Variants in NIN observed in about 807,000 individuals in gnomAD.
NIN encodes glycogen synthase kinase 3 beta-interacting protein.
NIN carries 137 observed loss-of-function variants against 257.6 expected under a neutral mutation model. That is an observed-to-expected ratio of 0.53 (90% CI 0.46 to 0.61). The LOEUF (loss-of-function observed/expected upper bound fraction) is 0.61, where lower values mean the gene tolerates loss of function less well. NIN is among the 20% of genes least tolerant of loss of function. NIN has a pLI of 0.00. For synonymous variants in NIN, 918 were observed against 919.8 expected, an observed-to-expected ratio of 1.00 and a Z score of 0.04; for missense variants, 2,439 against 2,501.2, an observed-to-expected ratio of 0.98 and a Z score of 0.53.
Position 50,758,446 on chromosome 14 carries a change from T to C in NIN, c.2584A>G (p.Lys862Glu). 4 of 1,614,190 alleles carry C rather than the reference T, an allele frequency of 2.5e-6. No individual in the cohort carries two copies. The highest frequency in any genetic ancestry group is 3.4e-6 in the Non-Finnish European group (4 of 1,180,022). The change falls in exon 18 of 31, where the codon AAG becomes GAG. Residue 862 changes from lysine (K) to glutamate (E), a missense_variant. Transcript: ENST00000530997. ...GCACACTCCTGGGTGAGCTCGTCCT[T>C]CTCAAATTCCCACTGGGATTTCTCC... Reference protein sequence around the residue: ...REEKSQWEFEKDELTQECAEA... With the variant: ...REEKSQWEFEEDELTQECAEA...
chr14:50,727,554 A>C, intron 29 of NIN: 2 of 1,286,330 alleles, frequency 1.6e-6, no homozygotes, highest in South Asian at 3.1e-5. Flanking sequence ...TAACAGTAAA[A>C]ATAATAAAAT....
chr14:50,763,075 T>G (rs559238994), intron 15 of NIN, among the ~76,000 whole-genome samples: 1 of 152,170 alleles, frequency 6.6e-6, no homozygotes, highest in African/African-American at 2.4e-5. Context: ...CCTTCCCCAA[T>G]CTGTTAATTA....
At chr14:50,739,961 T>C (rs548130351) in intron 25 of NIN, among the ~76,000 whole-genome samples, 1 of 152,370 alleles carries the variant, frequency 6.6e-6, no homozygotes, top group East Asian at 1.9e-4. Flanking sequence ...TATGCAATCA[T>C]ATCCTTTTTT....
intron 3 of NIN, among the ~76,000 whole-genome samples, chr14:50,811,170 G>A (rs1376132756): frequency 5.4e-5 from 8 of 149,080 alleles, no homozygotes; most frequent in South Asian, 4.3e-4. Flanking sequence ...GTGCAGTGGC[G>A]CAATCTTGGC....
At chr14:50,745,504 T>A (rs1471302647) in intron 22 of NIN, among the ~76,000 whole-genome samples, 5 of 152,232 alleles carry the variant, frequency 3.3e-5, no homozygotes, top group Non-Finnish European at 5.9e-5. Flanking sequence ...TACGACCATC[T>A]TTCTACTTCC....
At chr14:50,783,176 G>A (rs991819763) in intron 5 of NIN, among the ~76,000 whole-genome samples, 7 of 151,466 alleles carry the variant, frequency 4.6e-5, no homozygotes, top group African/African-American at 9.7e-5. Context: ...GGCCCTCCCC[G>A]CTGACCCACC....
At chr14:50,773,785 T>C (rs2042819174) in intron 7 of NIN, among the ~76,000 whole-genome samples, 1 of 152,164 alleles carries the variant, frequency 6.6e-6, no homozygotes, top group Non-Finnish European at 1.5e-5. Flanking sequence ...CACCCTCTGA[T>C]GGTAATCAAA....
At chr14:50,793,161 T>A (rs2043675752) in intron 4 of NIN, among the ~76,000 whole-genome samples, 1 of 152,236 alleles carries the variant, frequency 6.6e-6, no homozygotes, top group Middle Eastern at 3.4e-3. Context: ...AGGATTAAGG[T>A]CAGGAAAAGG....
intron 12 of NIN, among the ~76,000 whole-genome samples, chr14:50,769,683 G>A (rs1046943623): frequency 6.6e-6 from 1 of 152,130 alleles, no homozygotes; most frequent in African/African-American, 2.4e-5. Context: ...TGTATTTTTA[G>A]TAGAGACAGG....
In NIN at chr14:50,754,826, C is replaced by A. The variant is rs766453257; in HGVS notation, c.4580G>T (p.Arg1527Ile). ...TTCATTTAAAGTAGTAATTTCATTT[C>A]TCAAAATAGAATTTTCCTGTTGAAG... ...EKLQQENSIL[R>I]NEITTLNEED... is the part of the protein sequence containing the mutation. The change falls in exon 19 of 31, where the codon AGA (arginine) becomes ATA (isoleucine). Residue 1527 changes from arginine (R) to isoleucine (I), a missense_variant. Arg to Ile is a moderately conservative substitution (Grantham distance 97, BLOSUM62 -3). This residue lies in a region of NIN where 2,043 missense variants were observed against 2,050.2 expected (regional missense o/e 1.00). Coordinates refer to ENST00000530997, the MANE Select transcript of NIN (RefSeq NM_020921.4). 3 of 1,582,676 alleles carry A rather than the reference C, an allele frequency of 1.9e-6. No individual in the cohort carries two copies. The highest frequency in any genetic ancestry group is 2.6e-6 in the Non-Finnish European group (3 of 1,166,858).
chr14:50,815,810 C>T (rs929573867), intron 3 of NIN, among the ~76,000 whole-genome samples: 2 of 152,106 alleles, frequency 1.3e-5, no homozygotes, highest in Non-Finnish European at 2.9e-5. Context: ...GAGTTTGAGA[C>T]CAGCCTGGCC....
In NIN at chr14:50,756,681, G is replaced by A; in HGVS notation, c.4349C>T (p.Thr1450Ile). Residue 1450 changes from threonine to isoleucine, a missense_variant, in exon 18 of 31, where the codon ACC becomes ATC. This residue lies in a region of NIN where 2,043 missense variants were observed against 2,050.2 expected (regional missense o/e 1.00). Coordinates refer to ENST00000530997, the MANE Select transcript of NIN (RefSeq NM_020921.4). ...TTTCTCCAGTTCTAACTCTGCTATG[G>A]TGGCCTGATGCTGAAAATGTTTGTC... ...FQDKHFQHQA[T>I]IAELELEKTK... 1 of 1,551,728 alleles carries A rather than the reference G, an allele frequency of 6.4e-7. No homozygotes were observed. Among genetic ancestry groups the A allele is most frequent in the South Asian group, 1.2e-5 (1 of 84,126 alleles).
intron 3 of NIN, among the ~76,000 whole-genome samples, chr14:50,816,266 T>C (rs2044890759): frequency 6.6e-6 from 1 of 152,122 alleles, no homozygotes; most frequent in Non-Finnish European, 1.5e-5. Context: ...CCAGGCTTAA[T>C]ACCTAGGTGA....
rs536349887 is a variant in NIN at position 50,773,553 on chromosome 14, A to G, written c.667-458T>C. On this transcript the variant is annotated intron_variant, in intron 7 of 30. Coordinates refer to ENST00000530997, the MANE Select transcript of NIN (RefSeq NM_020921.4). ...GAATTTTTGAAATTGGTAGGCTAGC[A>G]CAGCAGAATTTGGTCTGGGACAGAT... 2.7e-4 allele frequency among the ~76,000 whole-genome samples: 41 copies of G among 152,358 alleles called. 1 individual carries two copies. In the South Asian group the frequency reaches 6.0e-3, roughly 22 times the overall value.
chr14:50,737,118 A>T (rs2041017389), intron 27 of NIN, among the ~76,000 whole-genome samples: 1 of 152,172 alleles, frequency 6.6e-6, no homozygotes, highest in African/African-American at 2.4e-5. Flanking sequence ...GTGCAGCAGA[A>T]ATGTTGGTAT....
chr14:50,773,494 C>T (rs1439697956), intron 7 of NIN, among the ~76,000 whole-genome samples: 2 of 152,194 alleles, frequency 1.3e-5, no homozygotes, highest in African/African-American at 4.8e-5. Flanking sequence ...CACTTTTATA[C>T]TGTGGTGACC....
chr14:50,761,643 T>C (rs1323393069), intron 16 of NIN, 147 bp downstream of exon 16: 36 of 753,924 alleles, frequency 4.8e-5, no homozygotes, highest in Non-Finnish European at 5.7e-5. Flanking sequence ...GGGGCCTTGC[T>C]GTCAGCCTAC....
At chr14:50,828,268 T>C (rs2045555235) in intron 2 of NIN, among the ~76,000 whole-genome samples, 1 of 152,240 alleles carries the variant, frequency 6.6e-6, no homozygotes, top group African/African-American at 2.4e-5. Context: ...AACTTTGTTT[T>C]TAAAGTGAGA....
At chr14:50,781,766 A>G (rs1433915013) in intron 5 of NIN, among the ~76,000 whole-genome samples, 3 of 152,246 alleles carry the variant, frequency 2.0e-5, no homozygotes, top group Non-Finnish European at 2.9e-5. Flanking sequence ...AGTTATGGTA[A>G]AGTGCTTAGA....
Sources: gnomAD v4.1 joint callset for allele counts (sites outside exome capture counted in the v4.1 genomes callset) on GRCh38, gnomAD v4.1.1 for gene constraint, gnomAD v4.1.1 regional missense constraint, MANE v1.5 for transcripts, NCBI Gene and HGNC (gene_info 2026-07-23, HGNC 2026-07-21) for gene names.